Variants in PRKAR1B observed in about 807,000 individuals in gnomAD.
PRKAR1B encodes the protein cAMP-dependent protein kinase type I-beta regulatory subunit.
In PRKAR1B, 22 loss-of-function variants were observed where a neutral mutation model predicts 46.5. The ratio of observed to expected loss-of-function variants is 0.47; its 90% confidence interval spans 0.34 to 0.68. The LOEUF is 0.68. Among genes scored for constraint, PRKAR1B ranks in the 30% least tolerant of loss-of-function variants. PRKAR1B has a pLI of 0.01. For missense variants in PRKAR1B, 445 were observed against 535.6 expected, an observed-to-expected ratio of 0.83 and a Z score of 1.67; for synonymous variants, 259 against 217.7, an observed-to-expected ratio of 1.19 and a Z score of -1.67.
chr7:717,859 C>T (rs1404592142), intron 1 of PRKAR1B, among the ~76,000 whole-genome samples: 1 of 152,018 alleles, frequency 6.6e-6, no homozygotes. Flanking sequence ...TGTGGGGTAC[C>T]CTCCCCTTGA....
intron 2 of PRKAR1B, among the ~76,000 whole-genome samples, chr7:705,723 T>C (rs1780288114): frequency 6.6e-6 from 1 of 152,070 alleles, no homozygotes; most frequent in Non-Finnish European, 1.5e-5. Flanking sequence ...GCAGGACCTG[T>C]TGATGCAGAA....
chr7:723,333 G>C (rs930158289), intron 1 of PRKAR1B, among the ~76,000 whole-genome samples: 3 of 152,172 alleles, frequency 2.0e-5, no homozygotes, highest in Admixed American at 6.5e-5. Flanking sequence ...GAGAGAGGAG[G>C]CTTTCCTTGG....
chr7:664,847 G>C (rs776414745), intron 4 of PRKAR1B, among the ~76,000 whole-genome samples: 3 of 152,146 alleles, frequency 2.0e-5, no homozygotes, highest in African/African-American at 7.2e-5. Flanking sequence ...CCAGGAAGTC[G>C]AGGCTGCAGT....
At position 606,229 on chromosome 7, in the gene PRKAR1B, T is replaced by G. The variant is rs148109257; in HGVS notation, c.513A>C (p.Gly171=). ...CTTGATCAACGACATAGAAGTTGTC[T>G]CCTTCATTCCCTGTAACAAAAGAAG... ...GETVIQQGNE[G]DNFYVVDQGE... is the part of the protein sequence containing the mutation. The change falls in exon 6 of 11, where the codon GGA becomes GGC. Residue 171 remains glycine (G), a synonymous_variant. Coordinates refer to ENST00000537384, the MANE Select transcript of PRKAR1B (RefSeq NM_001164760.2). 6.3e-4 allele frequency: 1,024 copies of G among 1,613,754 alleles called. 2 individuals are homozygous for G. Among genetic ancestry groups the G allele is most frequent in the Non-Finnish European group, 6.8e-4 (797 of 1,179,734 alleles).
intron 7 of PRKAR1B, among the ~76,000 whole-genome samples, chr7:585,554 T>C (rs576083721): frequency 1.1e-3 from 172 of 151,762 alleles, no homozygotes; most frequent in Non-Finnish European, 1.8e-3. Flanking sequence ...GACATGCTAG[T>C]GATGAGGTTT....
At chr7:639,887 G>A (rs375964303) in intron 4 of PRKAR1B, among the ~76,000 whole-genome samples, 3 of 150,120 alleles carry the variant, frequency 2.0e-5, no homozygotes, top group Middle Eastern at 3.7e-3. Flanking sequence ...AAAACTGGCC[G>A]GGTGCAGTGG....
intron 2 of PRKAR1B, among the ~76,000 whole-genome samples, chr7:681,823 T>C (rs1266530777): frequency 6.6e-6 from 1 of 151,992 alleles, no homozygotes; most frequent in Non-Finnish European, 1.5e-5. Context: ...AGCCTGGGCA[T>C]TTCAATCCCA....
chr7:697,091 T>G (rs918312060), intron 2 of PRKAR1B: 1 of 152,262 alleles, frequency 6.6e-6, no homozygotes, highest in African/African-American at 2.4e-5. Flanking sequence ...CAAAGCCATC[T>G]TCGTAACAAC....
At chr7:707,983 G>A (rs1374482963) in intron 2 of PRKAR1B, among the ~76,000 whole-genome samples, 1 of 151,438 alleles carries the variant, frequency 6.6e-6, no homozygotes, top group Non-Finnish European at 1.5e-5. Flanking sequence ...CTTGATCTCA[G>A]ACTTCCAGCC....
chr7:691,618 G>A (rs560947280), intron 2 of PRKAR1B: 257 of 1,303,470 alleles, frequency 2.0e-4, no homozygotes, highest in East Asian at 8.3e-4. Context: ...ACGCCCTGCC[G>A]TGTGCTGAAT....
chr7:588,591 A>AGGATAG (rs1562541736), intron 7 of PRKAR1B, among the ~76,000 whole-genome samples: 1 of 66,986 alleles, frequency 1.5e-5, no homozygotes, highest in African/African-American at 6.8e-5. Context: ...GACAGTGGTG[A>AGGATAG]TGACGGTGGT....
rs545618504 is a variant in PRKAR1B, at chr7:612,573, C to T, written c.441-5121G>A. Among the ~76,000 whole-genome samples the T allele has an allele frequency of 4.8e-4, 73 of 151,834 alleles. 1 individual carries two copies. Among genetic ancestry groups the T allele is most frequent in the Non-Finnish European group, 2.4e-4 (16 of 67,956 alleles). ...TGGATGGATGGACAGGTGGATGGACCGACAGATGATGGATGGGTGGCTATT... is the reference window on the plus strand; with the variant it reads ...TGGATGGATGGACAGGTGGATGGACTGACAGATGATGGATGGGTGGCTATT... On this transcript the variant is annotated intron_variant, in intron 4 of 10. Coordinates refer to ENST00000537384, the MANE Select transcript of PRKAR1B (RefSeq NM_001164760.2).
chr7:640,533 CG>C (rs1784333415), intron 4 of PRKAR1B, among the ~76,000 whole-genome samples: 2 of 152,074 alleles, frequency 1.3e-5, no homozygotes, highest in Admixed American at 1.3e-4. Context: ...GAGGCCGAGG[CG>C]GGTGGACCAC....
intron 2 of PRKAR1B, among the ~76,000 whole-genome samples, chr7:692,483 A>G (rs1470917217): frequency 6.6e-6 from 1 of 152,018 alleles, no homozygotes; most frequent in Non-Finnish European, 1.5e-5. Flanking sequence ...GAAGAGAGAG[A>G]AGGCAGGTGC....
At chr7:695,386 C>T (rs188479591) in intron 2 of PRKAR1B, among the ~76,000 whole-genome samples, 129 of 152,208 alleles carry the variant, frequency 8.5e-4, no homozygotes, top group African/African-American at 3.0e-3. Flanking sequence ...AATATCTGGG[C>T]GGGTCCTGGG....
intron 4 of PRKAR1B, among the ~76,000 whole-genome samples, chr7:657,794 G>A (rs1250823781): frequency 1.3e-5 from 2 of 152,278 alleles, no homozygotes. Context: ...AGAAAATGTC[G>A]AGTCTTCAGC....
intron 9 of PRKAR1B, among the ~76,000 whole-genome samples, chr7:571,675 T>G (rs1242302779): frequency 6.6e-6 from 1 of 152,180 alleles, no homozygotes; most frequent in Non-Finnish European, 1.5e-5. Flanking sequence ...GGGGTCCAGC[T>G]GCCCCCAGGC....
chr7:715,882 A>AT (rs1307014442), intron 1 of PRKAR1B, among the ~76,000 whole-genome samples: 9 of 151,520 alleles, frequency 5.9e-5, no homozygotes, highest in African/African-American at 7.3e-5. Flanking sequence ...CGCCCGGCTA[A>AT]TTTTTTGTAT....
chr7:698,943 T>A (rs143466084), intron 2 of PRKAR1B, among the ~76,000 whole-genome samples: 58 of 152,192 alleles, frequency 3.8e-4, no homozygotes, highest in African/African-American at 1.3e-3. Context: ...AGCCTCTCCC[T>A]CCTGGAGGGC....
Sources: allele counts gnomAD v4.1 joint callset (sites outside exome capture counted in the v4.1 genomes callset), GRCh38; gene constraint gnomAD v4.1.1; transcripts MANE v1.5; gene names NCBI Gene and HGNC (gene_info 2026-07-23, HGNC 2026-07-21).